The following VTI1A variants were observed in gnomAD, a reference collection of about 807,000 sequenced individuals.
VTI1A encodes the protein vesicle transport through interaction with t-SNAREs homolog 1A.
VTI1A carries 22 observed loss-of-function variants against 34.9 expected under a neutral mutation model. The ratio of observed to expected loss-of-function variants is 0.63; its 90% confidence interval spans 0.45 to 0.90. VTI1A has a LOEUF of 0.90. VTI1A is among the 40% of genes least tolerant of loss of function. The probability of loss-of-function intolerance (pLI) is 0.00; values close to 1 mark genes in which losing one functional copy is unlikely to be tolerated. For missense variants in VTI1A, 268 were observed against 275.6 expected (o/e 0.97, Z 0.20); for synonymous variants, 87 against 97.3 (o/e 0.89, Z 0.62).
intron 5 of VTI1A, among the ~76,000 whole-genome samples, chr10:112,661,296 A>T (rs1306305007): frequency 6.6e-6 from 1 of 152,072 alleles, no homozygotes; most frequent in Non-Finnish European, 1.5e-5. Context: ...TTGTATTTTT[A>T]GTAGAGACAG....
chr10:112,754,817 G>A (rs969194428), intron 7 of VTI1A, among the ~76,000 whole-genome samples: 10 of 152,218 alleles, frequency 6.6e-5, no homozygotes, highest in Admixed American at 5.9e-4. Flanking sequence ...AATCGGTCTA[G>A]GAAAGAGGAA....
intron 7 of VTI1A, among the ~76,000 whole-genome samples, chr10:112,716,101 G>A (rs1244390272): frequency 6.6e-6 from 1 of 152,170 alleles, no homozygotes; most frequent in African/African-American, 2.4e-5. Context: ...CAGAAGGGAT[G>A]GATCTGAGGA....
rs147240433 is a variant in VTI1A, at chr10:112,521,484, G to C, written c.265-5603G>C. Among the ~76,000 whole-genome samples, 24 of 152,130 alleles carry C rather than the reference G, an allele frequency of 1.6e-4. No homozygotes were observed. In the East Asian group the frequency reaches 4.4e-3, roughly 28 times the overall value. ...CAATTTAGTTGAACATGCTCTGGAG[G>C]TCATCATATACAAGGTGTTAGGGTA... On this transcript the variant is annotated intron_variant, in intron 3 of 7. Coordinates refer to ENST00000393077, the MANE Select transcript of VTI1A (RefSeq NM_145206.4).
At chr10:112,529,139 A>G (rs1283552329) in intron 4 of VTI1A, among the ~76,000 whole-genome samples, 1 of 152,184 alleles carries the variant, frequency 6.6e-6, no homozygotes, top group East Asian at 1.9e-4. Context: ...TGTCACTTCA[A>G]TAAATAGAGT....
At chr10:112,585,660 T>TATC (rs1193230709) in intron 5 of VTI1A, among the ~76,000 whole-genome samples, 1 of 125,214 alleles carries the variant, frequency 8.0e-6, no homozygotes, top group Non-Finnish European at 1.6e-5. Context: ...AGATTGTGGA[T>TATC]TTCTTTTTTT....
intron 5 of VTI1A, among the ~76,000 whole-genome samples, chr10:112,557,398 A>G (rs2134318564): frequency 6.6e-6 from 1 of 152,282 alleles, no homozygotes; most frequent in East Asian, 1.9e-4. Flanking sequence ...TCCGATGTTC[A>G]GCAGTAAAGA....
chr10:112,550,484 G>A (rs1851308540), intron 5 of VTI1A, among the ~76,000 whole-genome samples: 1 of 152,072 alleles, frequency 6.6e-6, no homozygotes, highest in Non-Finnish European at 1.5e-5. Context: ...AAAACTTGAT[G>A]GGCATGAGCT....
At chr10:112,698,678 T>G (rs1848881682) in intron 7 of VTI1A, among the ~76,000 whole-genome samples, 1 of 152,200 alleles carries the variant, frequency 6.6e-6, no homozygotes, top group African/African-American at 2.4e-5. Flanking sequence ...TAAACACGTG[T>G]TTGAACTGAT....
chr10:112,469,127 C>CT (rs1385870115), intron 3 of VTI1A, among the ~76,000 whole-genome samples: 1 of 152,172 alleles, frequency 6.6e-6, no homozygotes, highest in African/African-American at 2.4e-5. Flanking sequence ...TCTAGGTATT[C>CT]TATCTTGTTC....
intron 7 of VTI1A, among the ~76,000 whole-genome samples, chr10:112,709,409 C>T (rs1467894989): frequency 1.3e-5 from 2 of 152,072 alleles, no homozygotes; most frequent in Non-Finnish European, 2.9e-5. Context: ...CTCTGCTGGC[C>T]CTCAGCCTTC....
intron 4 of VTI1A, among the ~76,000 whole-genome samples, chr10:112,537,786 T>A (rs1488065382): frequency 2.6e-5 from 4 of 152,200 alleles, no homozygotes; most frequent in Non-Finnish European, 5.9e-5. Flanking sequence ...AAATTATGGA[T>A]CATTTTCTTA....
intron 7 of VTI1A, among the ~76,000 whole-genome samples, chr10:112,681,185 T>G (rs1313490735): frequency 1.3e-5 from 2 of 151,562 alleles, no homozygotes; most frequent in South Asian, 4.2e-4. Flanking sequence ...AAGTGATCCT[T>G]CCACCTCCAC....
At chr10:112,686,156 T>C (rs961972754) in intron 7 of VTI1A, among the ~76,000 whole-genome samples, 1 of 152,102 alleles carries the variant, frequency 6.6e-6, no homozygotes, top group Non-Finnish European at 1.5e-5. Flanking sequence ...ATAAGAGAGA[T>C]TGCATCTTGA....
the VTI1A span, among the ~76,000 whole-genome samples, chr10:112,855,044 C>G: frequency 1.3e-5 from 2 of 152,210 alleles, no homozygotes; most frequent in African/African-American, 2.4e-5. Context: ...TCAGCTTGGG[C>G]TTAAAGTCCT....
intron 5 of VTI1A, among the ~76,000 whole-genome samples, chr10:112,652,812 A>G (rs1847088686): frequency 2.0e-5 from 3 of 151,922 alleles, no homozygotes; most frequent in Admixed American, 2.0e-4. Context: ...TGGGCCTAGG[A>G]GGCAGACCAT....
At chr10:112,796,015 A>T (rs1412333089) in intron 7 of VTI1A, among the ~76,000 whole-genome samples, 6 of 152,174 alleles carry the variant, frequency 3.9e-5, no homozygotes, top group Non-Finnish European at 8.8e-5. Flanking sequence ...TGAAAGCTAG[A>T]CAGTCGTTAA....
chr10:112,467,357 T>C (rs1336243850), intron 3 of VTI1A, among the ~76,000 whole-genome samples: 1 of 152,176 alleles, frequency 6.6e-6, no homozygotes, highest in Non-Finnish European at 1.5e-5. Flanking sequence ...AAAAATTTAT[T>C]CTCTAGGCCA....
chr10:112,705,095 G>A (rs142533999), intron 7 of VTI1A, among the ~76,000 whole-genome samples: 113 of 150,976 alleles, frequency 7.5e-4, no homozygotes, highest in African/African-American at 2.7e-3. Context: ...TTAGAAACAG[G>A]ATTTTGCCAT....
chr10:112,736,817 C>A (rs1850496654), intron 7 of VTI1A: 4 of 1,283,876 alleles, frequency 3.1e-6, no homozygotes, highest in Non-Finnish European at 2.2e-6. Flanking sequence ...CGTATTGTGC[C>A]TTCAATGAGA....
Sources: gnomAD v4.1 joint callset for allele counts (sites outside exome capture counted in the v4.1 genomes callset) on GRCh38, gnomAD v4.1.1 for gene constraint, MANE v1.5 for transcripts, NCBI Gene and HGNC (gene_info 2026-07-23, HGNC 2026-07-21) for gene names.